Variants in ESPN observed in about 807,000 individuals in gnomAD.
ESPN encodes espin.
Under a neutral mutation model 77.7 loss-of-function variants are expected in ESPN, and 68 were observed. That is an observed-to-expected ratio of 0.87 (90% CI 0.72 to 1.07). The LOEUF (loss-of-function observed/expected upper bound fraction) is 1.07. Among genes scored for constraint, ESPN ranks in the 50% least tolerant of loss-of-function variants. The pLI, the probability that ESPN is intolerant of heterozygous loss-of-function variation, is 0.00. For missense variants in ESPN, 1,060 were observed against 1,239.0 expected (o/e 0.86, Z 2.17); for synonymous variants, 449 against 567.1 (o/e 0.79, Z 2.96).
chr1:6,454,416 T>C (rs1470805332), intron 10 of ESPN: 3 of 398,670 alleles, frequency 7.5e-6, no homozygotes, highest in African/African-American at 6.2e-5. Context: ...CTCCCCTCTC[T>C]TGTCTTCCCC....
At chr1:6,461,258 C>T (rs1375746989), downstream of ESPN, 7 of 830,950 alleles carry the variant, frequency 8.4e-6, no homozygotes, top group Non-Finnish European at 1.4e-5. The surrounding 1 kb of genome is among the most constrained non-coding windows in gnomAD (Gnocchi z 6.3). Context: ...TTCGTTCGTG[C>T]TTCTTCGCCT....
chr1:6,442,111 AGG>A (rs1426986899), intron 5 of ESPN, among the ~76,000 whole-genome samples: 1 of 152,164 alleles, frequency 6.6e-6, no homozygotes, highest in Non-Finnish European at 1.5e-5. Flanking sequence ...GACTCTGTTG[AGG>A]GACCGTGGGG....
Position 6,460,450 on chromosome 1 carries a change from C to CCTG in ESPN, c.*304_*305insCTG. On this transcript the variant is annotated 3_prime_UTR_variant, in exon 13 of 13. Transcript: ENST00000645284. Reference sequence around the variant, plus strand: ...TCGTTGACTATCAAAGAGTGCAGAGCTCTCCCCAGCCCCGTGGGTGGTGAC... The same window carrying CCTG: ...TCGTTGACTATCAAAGAGTGCAGAGCCTGTCTCCCCAGCCCCGTGGGTGGTGAC... The CCTG allele has an allele frequency of 3.1e-6, 1 of 317,574 alleles. No individual in the cohort carries two copies. The highest frequency in any genetic ancestry group is 2.2e-5 in the African/African-American group (1 of 46,356). The allele number at this position is 317,574 out of a possible 1,614,324, so 19.7% of individuals were successfully genotyped here. A position where few individuals can be genotyped will look rare whatever the true frequency, so the allele number is the denominator to read the frequency against.
At chr1:6,454,831 AGCCGCTGGC>A (rs1377530697) in intron 10 of ESPN, 2 of 396,050 alleles carry the variant, frequency 5.0e-6, no homozygotes, top group Non-Finnish European at 8.9e-6. Context: ...GACACGGGCC[AGCCGCTGGC>A]GCCGCTGCCC....
At chr1:6,455,507 G>C in intron 10 of ESPN, 1 of 397,996 alleles carries the variant, frequency 2.5e-6, no homozygotes, top group Non-Finnish European at 4.4e-6. Context: ...TGGGCAAGCT[G>C]CTGGGCCACT....
At position 6,450,940 on chromosome 1, in the gene ESPN, G is replaced by A. The variant is rs1303642997; in HGVS notation, c.1916-663G>A. Among the ~76,000 whole-genome samples the A allele has an allele frequency of 1.3e-5, 2 of 152,100 alleles. No individual in the cohort carries two copies. Among genetic ancestry groups the A allele is most frequent in the African/African-American group, 4.8e-5 (2 of 41,400 alleles). On this transcript the variant is annotated intron_variant, in intron 8 of 12. Transcript: ENST00000645284. The surrounding 1 kb of genome is among the most constrained non-coding windows in gnomAD (Gnocchi z 4.3). ...TGCCCTGGGTGTTTCCATATTATCC[G>A]CCTGCCCTTCCTCCTGGGTGCCTCC... is the stretch of plus-strand genomic sequence containing the variant.
chr1:6,456,633 C>T (rs1049542830), intron 10 of ESPN: 3 of 215,004 alleles, frequency 1.4e-5, no homozygotes, highest in East Asian at 1.2e-4. Flanking sequence ...GACCCGTTCT[C>T]CTCTGTAACA....
At chr1:6,435,497 A>G (rs1643404861) in intron 2 of ESPN, among the ~76,000 whole-genome samples, 1 of 152,262 alleles carries the variant, frequency 6.6e-6, no homozygotes, top group South Asian at 2.1e-4. Flanking sequence ...TCCCAGGAGA[A>G]AGAAAACAAA....
At chr1:6,436,220 G>A (rs1643432977) in intron 2 of ESPN, among the ~76,000 whole-genome samples, 1 of 152,164 alleles carries the variant, frequency 6.6e-6, no homozygotes, top group Non-Finnish European at 1.5e-5. Flanking sequence ...CTCTGCATGA[G>A]ACGCAGCCTC....
Position 6,440,770 on chromosome 1 carries a change from A to T in ESPN, c.820A>T (p.Thr274Ser), listed in dbSNP as rs2148519163. 3 of 1,523,330 alleles carry T rather than the reference A, an allele frequency of 2.0e-6. No homozygotes were observed. Among genetic ancestry groups the T allele is most frequent in the Non-Finnish European group, 2.6e-6 (3 of 1,144,490 alleles). The allele number at this position is 1,523,330 out of a possible 1,614,324, so 94.4% of individuals were successfully genotyped here. Residue 274 changes from threonine (T) to serine (S), a missense_variant, in exon 4 of 13, where the codon ACC (threonine) becomes TCC (serine). This residue lies in a region of ESPN where 556 missense variants were observed against 633.6 expected (regional missense o/e 0.88). Coordinates refer to ENST00000645284, the MANE Select transcript of ESPN (RefSeq NM_031475.3). ...GEISADLWGG[T>S]PLHDAAENGE... ...GATCTCGGCTGACCTGTGGGGCGGG[A>T]CCCCGCTGCACGACGCCGCCGAGAA... is the stretch of plus-strand genomic sequence containing the variant.
Position 6,460,234 on chromosome 1 carries a change from G to A in ESPN, c.*88G>A. On this transcript the variant is annotated 3_prime_UTR_variant, in exon 13 of 13. Transcript: ENST00000645284. ...AGCCAGGCCCTGGTGGAAAGGCTGGGAGCCGCACAGCCCTCCCCTCCTGCG... is the reference window on the plus strand; with the variant it reads ...AGCCAGGCCCTGGTGGAAAGGCTGGAAGCCGCACAGCCCTCCCCTCCTGCG... The A allele has an allele frequency of 6.6e-7, 1 of 1,519,078 alleles. No individual in the cohort carries two copies. Among genetic ancestry groups the A allele is most frequent in the African/African-American group, 1.4e-5 (1 of 72,922 alleles). The allele number at this position is 1,519,078 out of a possible 1,614,324, so 94.1% of individuals were successfully genotyped here. A position where few individuals can be genotyped will look rare whatever the true frequency, so the allele number is the denominator to read the frequency against.
intron 1 of ESPN, among the ~76,000 whole-genome samples, chr1:6,426,372 C>G (rs970488239): frequency 6.6e-6 from 1 of 152,154 alleles, no homozygotes; most frequent in African/African-American, 2.4e-5. Context: ...CCAGCCCTGG[C>G]CAGAAGCCTC....
chr1:6,445,991 G>A lies in ESPN; in HGVS notation c.1464+56G>A, dbSNP rs1024733457. ...CAGCAGGGGGACTGGGCTGATGGGG[G>A]CCAGTGAGGCCAAAGGCCTGGCCTC... On this transcript the variant is annotated intron_variant, in intron 7 of 12. Transcript: ENST00000645284. 5.1e-6 allele frequency: 8 copies of A among 1,570,940 alleles called. No individual in the cohort carries two copies. In the African/African-American group the frequency reaches 5.4e-5, roughly 11 times the overall value.
In ESPN at chr1:6,448,666, G is replaced by C; in HGVS notation, c.1490G>C (p.Gly497Ala). 6.4e-7 allele frequency: 1 copy of C among 1,560,374 alleles called. No individual in the cohort carries two copies. The highest frequency in any genetic ancestry group is 8.6e-7 in the Non-Finnish European group (1 of 1,164,440). Residue 497 changes from glycine (G) to alanine (A), a missense_variant, in exon 8 of 13, where the codon GGG becomes GCG. Gly to Ala is a moderately conservative substitution (Grantham distance 60). This residue lies in a region of ESPN where 130 missense variants were observed against 223.9 expected (regional missense o/e 0.58). Transcript: ENST00000645284. ...CTGAGCTCCTGTGACGGCCACGACGGGCTGCGGAGGCAGGACTCCAGCCGC... is the reference window on the plus strand; with the variant it reads ...CTGAGCTCCTGTGACGGCCACGACGCGCTGCGGAGGCAGGACTCCAGCCGC... ...KELSSCDGHD[G>A]LRRQDSSRKP... is the part of the protein sequence containing the mutation.
chr1:6,460,134 C>G lies in ESPN; in HGVS notation c.2553C>G (p.Ile851Met), dbSNP rs758012315. The G allele has an allele frequency of 3.1e-6, 5 of 1,612,238 alleles. No homozygotes were observed. The highest frequency in any genetic ancestry group is 3.4e-6 in the Non-Finnish European group (4 of 1,180,014). Residue 851 changes from isoleucine to methionine, a missense_variant, in exon 13 of 13, where the codon ATC becomes ATG. By Grantham distance (10) the Ile-to-Met change is conservative. Coordinates refer to ENST00000645284, the MANE Select transcript of ESPN (RefSeq NM_031475.3). The stretch of plus-strand genomic sequence containing the variant: ...AGGTCATCCTGAAGAAGGGGGACAT[C>G]GCTAAGTACTAGAGGCCGCAGACTC... ...QRQVILKKGD[I>M]AKY
At position 6,457,242 on chromosome 1, in the gene ESPN, G is replaced by T; in HGVS notation, c.2384G>T (p.Arg795Leu). The T allele has an allele frequency of 6.2e-7, 1 of 1,613,806 alleles. No individual in the cohort carries two copies. Among genetic ancestry groups the T allele is most frequent in the Non-Finnish European group, 8.5e-7 (1 of 1,179,818 alleles). ...SMPAWRRDLL[R>L]KKLEEEREQK... is the part of the protein sequence containing the mutation. Reference sequence around the variant, plus strand: ...CCCGCCTGGAGGCGGGACCTCCTGCGGAAGAAGCTGGAAGAAGAGAGGTGA... The same window carrying T: ...CCCGCCTGGAGGCGGGACCTCCTGCTGAAGAAGCTGGAAGAAGAGAGGTGA... Residue 795 changes from arginine to leucine, a missense_variant, in exon 11 of 13, where the codon CGG (arginine) becomes CTG (leucine). Around this residue, in one of 3 missense-constraint regions of ESPN, gnomAD observed 374 missense variants for 381.4 expected, o/e 0.98. Transcript: ENST00000645284.
At chr1:6,459,227 C>A (rs1256900664) in intron 12 of ESPN, among the ~76,000 whole-genome samples, 1 of 148,048 alleles carries the variant, frequency 6.8e-6, no homozygotes, top group South Asian at 2.1e-4. Flanking sequence ...GGTGACAGAG[C>A]GAGACTCTGT....
chr1:6,442,880 A>G (rs1307025342), intron 5 of ESPN, among the ~76,000 whole-genome samples: 1 of 149,230 alleles, frequency 6.7e-6, no homozygotes, highest in Non-Finnish European at 1.5e-5. Flanking sequence ...AAAAAAAAAA[A>G]AAAAAAAAGG....
At chr1:6,431,373 C>A (rs1643238933) in intron 2 of ESPN, among the ~76,000 whole-genome samples, 1 of 152,158 alleles carries the variant, frequency 6.6e-6, no homozygotes, top group Non-Finnish European at 1.5e-5. Flanking sequence ...CTTTGGGAGG[C>A]CGAGGCAGGT....
Sources: gnomAD v4.1 joint callset for allele counts (sites outside exome capture counted in the v4.1 genomes callset) on GRCh38, gnomAD v4.1.1 for gene constraint, gnomAD v4.1.1 regional missense constraint, Gnocchi (gnomAD v3.1) non-coding constraint, MANE v1.5 for transcripts, NCBI Gene and HGNC (gene_info 2026-07-23, HGNC 2026-07-21) for gene names.